The following KCNMB2 variants were observed in gnomAD, a reference collection of about 807,000 sequenced individuals.
KCNMB2 encodes calcium-activated potassium channel subunit beta-2.
Under a neutral mutation model 24.5 loss-of-function variants are expected in KCNMB2, and 9 were observed. The observed-to-expected ratio is 0.37, with a 90% confidence interval of 0.22 to 0.64. The LOEUF is 0.64. KCNMB2 is among the 30% of genes least tolerant of loss of function. KCNMB2 has a pLI of 0.63. For missense variants in KCNMB2, 226 were observed against 284.3 expected, an observed-to-expected ratio of 0.79 and a Z score of 1.47; for synonymous variants, 109 against 104.4, an observed-to-expected ratio of 1.04 and a Z score of -0.27.
intron 1 of KCNMB2, among the ~76,000 whole-genome samples, chr3:178,674,154 C>T (rs960220632): frequency 2.0e-5 from 3 of 151,910 alleles, no homozygotes; most frequent in Non-Finnish European, 4.4e-5. Flanking sequence ...CTCTCTTTCA[C>T]TCTCCTCTGT....
chr3:178,737,563 TCAAC>T (rs1277538903), intron 1 of KCNMB2, among the ~76,000 whole-genome samples: 1 of 152,162 alleles, frequency 6.6e-6, no homozygotes, highest in Admixed American at 6.5e-5. Context: ...TATCAAACAC[TCAAC>T]CAACAACCAT....
chr3:178,670,119 G>A (rs367814536), intron 1 of KCNMB2, among the ~76,000 whole-genome samples: 1 of 152,134 alleles, frequency 6.6e-6, no homozygotes, highest in Non-Finnish European at 1.5e-5. Flanking sequence ...CACTTATTGA[G>A]CCAGAAGCAT....
chr3:178,810,452 T>C (rs1182368397), intron 2 of KCNMB2, among the ~76,000 whole-genome samples: 1 of 152,164 alleles, frequency 6.6e-6, no homozygotes, highest in East Asian at 1.9e-4. Context: ...AATCGTAGAA[T>C]ACCAGGAAAC....
intron 1 of KCNMB2, among the ~76,000 whole-genome samples, chr3:178,537,922 A>G (rs530783624): frequency 6.6e-6 from 1 of 152,220 alleles, no homozygotes; most frequent in Non-Finnish European, 1.5e-5. Context: ...TTATAAAAGA[A>G]TGCAATATTC....
intron 1 of KCNMB2, among the ~76,000 whole-genome samples, chr3:178,709,772 T>C (rs1462900626): frequency 2.0e-5 from 3 of 152,162 alleles, no homozygotes; most frequent in African/African-American, 4.8e-5. Context: ...AATCCTGGTA[T>C]TTGTTTCCCA....
At chr3:178,599,164 G>T (rs770985816) in intron 1 of KCNMB2, among the ~76,000 whole-genome samples, 56 of 152,102 alleles carry the variant, frequency 3.7e-4, no homozygotes, top group Non-Finnish European at 6.6e-4. Flanking sequence ...TTCAAACTGT[G>T]GTTCACCAAA....
chr3:178,551,494 A>G (rs576676615), intron 1 of KCNMB2, among the ~76,000 whole-genome samples: 25 of 152,256 alleles, frequency 1.6e-4, no homozygotes, highest in African/African-American at 6.0e-4. Flanking sequence ...GGCCTTTCGA[A>G]CCTTCTTCAC....
intron 1 of KCNMB2, among the ~76,000 whole-genome samples, chr3:178,722,996 TC>T (rs1722858276): frequency 6.6e-6 from 1 of 152,016 alleles, no homozygotes; most frequent in Non-Finnish European, 1.5e-5. Context: ...TATTGGGCTG[TC>T]TTTGTATCTT....
At chr3:178,630,171 G>C (rs961046255) in intron 1 of KCNMB2, among the ~76,000 whole-genome samples, 1 of 152,114 alleles carries the variant, frequency 6.6e-6, no homozygotes, top group Non-Finnish European at 1.5e-5. Flanking sequence ...CTACAGTTGA[G>C]CCATTTCTGT....
At chr3:178,767,516 A>G (rs1020679434) in intron 1 of KCNMB2, among the ~76,000 whole-genome samples, 4 of 152,226 alleles carry the variant, frequency 2.6e-5, no homozygotes, top group Admixed American at 2.6e-4. Flanking sequence ...TATTCTCTAG[A>G]GCCCACATAA....
chr3:178,555,946 CA>C (rs1222739141), intron 1 of KCNMB2, among the ~76,000 whole-genome samples: 1 of 152,110 alleles, frequency 6.6e-6, no homozygotes, highest in African/African-American at 2.4e-5. Flanking sequence ...GTGTCTTAAA[CA>C]AAGGCTCGAA....
chr3:178,776,831 T>C (rs963502036), intron 1 of KCNMB2, among the ~76,000 whole-genome samples: 1 of 152,084 alleles, frequency 6.6e-6, no homozygotes, highest in Non-Finnish European at 1.5e-5. Context: ...AAGTGTAGAC[T>C]CCTAATGTAG....
intron 1 of KCNMB2, among the ~76,000 whole-genome samples, chr3:178,799,799 A>G (rs184608143): frequency 2.9e-4 from 44 of 152,292 alleles, no homozygotes; most frequent in African/African-American, 1.1e-3. Context: ...ATAATAACCA[A>G]AACAGCATGG....
intron 1 of KCNMB2, among the ~76,000 whole-genome samples, chr3:178,719,778 C>T (rs13087051): frequency 0.12 from 17,618 of 152,018 alleles, 1,114 homozygotes; most frequent in Non-Finnish European, 0.14. Flanking sequence ...TGATTCTGTA[C>T]ATTTTAATAC....
intron 1 of KCNMB2, among the ~76,000 whole-genome samples, chr3:178,659,617 G>GT (rs935038526): frequency 3.1e-4 from 47 of 152,298 alleles, no homozygotes; most frequent in African/African-American, 1.1e-3. Context: ...CATGGCCCCA[G>GT]ATTTGGTCAA....
chr3:178,668,262 G>A (rs1425276873), intron 1 of KCNMB2, among the ~76,000 whole-genome samples: 2 of 152,092 alleles, frequency 1.3e-5, no homozygotes, highest in Non-Finnish European at 2.9e-5. Context: ...GAGCCTTCCA[G>A]GAAATAGGAA....
At chr3:178,687,519 A>T (rs568889091) in intron 1 of KCNMB2, among the ~76,000 whole-genome samples, 1 of 152,308 alleles carries the variant, frequency 6.6e-6, no homozygotes, top group African/African-American at 2.4e-5. Flanking sequence ...TATGGGAATT[A>T]ACATAATGCT....
intron 1 of KCNMB2, among the ~76,000 whole-genome samples, chr3:178,729,658 C>T (rs1407765369): frequency 6.6e-6 from 1 of 152,172 alleles, no homozygotes; most frequent in Non-Finnish European, 1.5e-5. Flanking sequence ...CCACATTGGG[C>T]AGATTGCAAT....
intron 1 of KCNMB2, among the ~76,000 whole-genome samples, chr3:178,740,779 T>C (rs1723470199): frequency 6.6e-6 from 1 of 152,218 alleles, no homozygotes; most frequent in Non-Finnish European, 1.5e-5. Context: ...GCACCTGCCA[T>C]CTGTCAGGCA....
Sources: gnomAD v4.1 joint callset for allele counts (sites outside exome capture counted in the v4.1 genomes callset) on GRCh38, gnomAD v4.1.1 for gene constraint, MANE v1.5 for transcripts, NCBI Gene and HGNC (gene_info 2026-07-23, HGNC 2026-07-21) for gene names.